The following POLR3E variants were observed in gnomAD, a reference collection of about 807,000 sequenced individuals.
POLR3E encodes the protein RNA polymerase III subunit E, also known as DNA-directed RNA polymerase III subunit RPC5.
POLR3E carries 41 observed loss-of-function variants against 96.6 expected under a neutral mutation model. That is an observed-to-expected ratio of 0.42 (90% CI 0.33 to 0.55). POLR3E has a LOEUF of 0.55. POLR3E is among the 20% of genes least tolerant of loss of function. The pLI, the probability that POLR3E is intolerant of heterozygous loss-of-function variation, is 0.06. For missense variants in POLR3E, 849 were observed against 952.1 expected, an observed-to-expected ratio of 0.89 and a Z score of 1.43; for synonymous variants, 396 against 383.6, an observed-to-expected ratio of 1.03 and a Z score of -0.38.
intron 19 of POLR3E, chr16:22,331,508 T>C (rs2048740388): frequency 6.6e-6 from 1 of 152,258 alleles, no homozygotes; most frequent in Admixed American, 6.5e-5. Flanking sequence ...AGTTGTTACT[T>C]TTTTTTGTTT....
chr16:22,314,979 G>C (rs1242974541), intron 8 of POLR3E, 110 bp from the exon 9 acceptor site: 1 of 1,095,356 alleles, frequency 9.1e-7, no homozygotes, highest in African/African-American at 1.6e-5. Context: ...AAGGAAGGGA[G>C]AGTGGAAAAC....
intron 5 of POLR3E, 80 bp downstream of exon 5, chr16:22,309,120 C>T (rs2048192615): frequency 1.0e-6 from 1 of 994,962 alleles, no homozygotes; most frequent in Non-Finnish European, 1.5e-6. Flanking sequence ...ACATTGACCC[C>T]CTTTGCCCCG....
At position 22,297,529 on chromosome 16, in the gene POLR3E, C is replaced by T. The variant is rs148739718; in HGVS notation, c.-47C>T. 2.0e-5 allele frequency: 3 copies of T among 152,460 alleles called. No homozygotes were observed. The highest frequency in any genetic ancestry group is 2.9e-5 in the Non-Finnish European group (2 of 68,220). The allele number at this position is 152,460 out of a possible 1,614,324, so 9.4% of individuals were successfully genotyped here. ...GTTGCCGCCGTCCGCGCTCGGCCCC[C>T]GCGGAGAGGTGAGTCCCGTCTTGGC... On this transcript the variant is annotated 5_prime_UTR_variant, in exon 1 of 21. Coordinates refer to ENST00000299853, the MANE Select transcript of POLR3E (RefSeq NM_018119.4).
At chr16:22,307,319 G>A (rs762093240) in intron 3 of POLR3E, among the ~76,000 whole-genome samples, 6 of 152,278 alleles carry the variant, frequency 3.9e-5, no homozygotes, top group East Asian at 3.9e-4. Context: ...GAGGAGTCAC[G>A]GCTTTGCTGT....
intron 19 of POLR3E, among the ~76,000 whole-genome samples, chr16:22,330,942 C>T (rs1475856981): frequency 2.0e-5 from 3 of 146,850 alleles, no homozygotes; most frequent in Non-Finnish European, 4.5e-5. Context: ...AAATGATTTG[C>T]CTCTCAAAAT....
chr16:22,333,544 T>TCTATTCACTAATCATAA (rs1166867606), intron 20 of POLR3E, 100 bp from the exon 21 acceptor site: 2 of 831,320 alleles, frequency 2.4e-6, no homozygotes, highest in African/African-American at 3.3e-5. Flanking sequence ...CCATTTGTAT[T>TCTATTCACTAATCATAA]CTATTCACTA....
intron 1 of POLR3E, among the ~76,000 whole-genome samples, chr16:22,300,449 CTCCCTGA>C (rs2047998418): frequency 6.6e-6 from 1 of 152,188 alleles, no homozygotes; most frequent in Non-Finnish European, 1.5e-5. Flanking sequence ...GCACCTCAGC[CTCCCTGA>C]TCCCTGGCAG....
intron 6 of POLR3E, among the ~76,000 whole-genome samples, chr16:22,311,069 A>G (rs935763207): frequency 6.6e-6 from 1 of 152,110 alleles, no homozygotes; most frequent in African/African-American, 2.4e-5. Flanking sequence ...GGTTTCAAGC[A>G]GTTCTCCTGT....
Position 22,318,291 on chromosome 16 carries a change from G to A in POLR3E, c.866-535G>A, listed in dbSNP as rs1188572549. Among the ~76,000 whole-genome samples the A allele has an allele frequency of 6.6e-6, 1 of 152,074 alleles. No individual in the cohort carries two copies. The highest frequency in any genetic ancestry group is 2.4e-5 in the African/African-American group (1 of 41,406). On this transcript the variant is annotated intron_variant, in intron 12 of 20. Transcript: ENST00000299853. This position sits in a 1 kb window ranked among gnomAD's most constrained non-coding sequence, Gnocchi z 5.0. ...GTATTTTTAGTAGAGATGGGGTTTC[G>A]CCTTGTTGGCCAGGCTAGTCTCAAA...
Position 22,315,265 on chromosome 16 carries a change from G to T in POLR3E, c.642+57G>T. The T allele has an allele frequency of 2.0e-6, 3 of 1,527,814 alleles. 1 individual carries two copies. The highest frequency in any genetic ancestry group is 2.5e-5 in the East Asian group (1 of 40,684). 94.6% of individuals were successfully genotyped at this position (1,527,814 alleles called of 1,614,324 possible). A position where few individuals can be genotyped will look rare whatever the true frequency, so the allele number is the denominator to read the frequency against. ...ACACCTCGGTGCCCGGAAGGGTCAT[G>T]GTGTGGCCTCCGTGTCTCACCTTGA... is the stretch of plus-strand genomic sequence containing the variant. On this transcript the variant is annotated intron_variant, in intron 9 of 20. Transcript: ENST00000299853.
chr16:22,305,333 G>T (rs1411091897), intron 3 of POLR3E, 127 bp downstream of exon 3: 8 of 778,748 alleles, frequency 1.0e-5, no homozygotes, highest in African/African-American at 1.7e-5. Context: ...GTGTCATGGG[G>T]TCTCTTTGCT....
At chr16:22,332,775 C>T (rs2048767979) in intron 20 of POLR3E, among the ~76,000 whole-genome samples, 1 of 151,940 alleles carries the variant, frequency 6.6e-6, no homozygotes, top group African/African-American at 2.4e-5. Flanking sequence ...TATGAAAGCA[C>T]CTAATGTACA....
Position 22,325,924 on chromosome 16 carries a change from G to A in POLR3E, c.1512G>A (p.Glu504=). 6.3e-7 allele frequency: 1 copy of A among 1,597,248 alleles called. No homozygotes were observed. ...GGATCAAGGAGGAGCCCGTGAGCGA[G>A]GAGGGCGAGGAGGACGAGGAGCAGG... ...GVRIKEEPVS[E]EGEEDEEQEA... Residue 504 remains glutamate, a synonymous_variant, in exon 18 of 21, where the codon GAG becomes GAA. Coordinates refer to ENST00000299853, the MANE Select transcript of POLR3E (RefSeq NM_018119.4).
intron 18 of POLR3E, chr16:22,327,029 C>A (rs771717248): frequency 6.6e-6 from 1 of 152,610 alleles, no homozygotes; most frequent in Non-Finnish European, 1.5e-5. Context: ...CGTTTCCCTG[C>A]GCTGAGGATA....
At chr16:22,303,179 CCCTT>C (rs1158121885) in intron 2 of POLR3E, among the ~76,000 whole-genome samples, 175 bp downstream of exon 2, 3 of 152,186 alleles carry the variant, frequency 2.0e-5, no homozygotes, top group Non-Finnish European at 2.9e-5. Flanking sequence ...GCTGACCTCT[CCCTT>C]CCTTCAGGTC....
At chr16:22,319,472 C>CA (rs1366485772) in intron 13 of POLR3E, among the ~76,000 whole-genome samples, 2 of 151,424 alleles carry the variant, frequency 1.3e-5, no homozygotes, top group African/African-American at 4.9e-5. Context: ...GATCTCGGCT[C>CA]ACTGCAAGCT....
intron 13 of POLR3E, among the ~76,000 whole-genome samples, chr16:22,321,654 G>A (rs942930142): frequency 3.3e-5 from 5 of 152,234 alleles, no homozygotes; most frequent in African/African-American, 7.2e-5. Context: ...CAAGGCAGCC[G>A]CAGAGCCCTG....
intron 18 of POLR3E, chr16:22,328,050 A>AT (rs1370952345): frequency 2.4e-5 from 4 of 165,140 alleles, no homozygotes; most frequent in Non-Finnish European, 5.2e-5. Flanking sequence ...CCACACTGAC[A>AT]TGGTACATGT....
chr16:22,328,226 G>A (rs1313388611), intron 18 of POLR3E: 2 of 433,774 alleles, frequency 4.6e-6, no homozygotes, highest in South Asian at 5.4e-5. Flanking sequence ...ACTGTACGGA[G>A]GATATCTGCA....
Sources: allele counts gnomAD v4.1 joint callset (sites outside exome capture counted in the v4.1 genomes callset), GRCh38; gene constraint gnomAD v4.1.1; non-coding constraint Gnocchi (gnomAD v3.1); transcripts MANE v1.5; gene names NCBI Gene and HGNC (gene_info 2026-07-23, HGNC 2026-07-21).